Variants in RPA1 observed in about 807,000 individuals in gnomAD.
The protein encoded by RPA1 is replication protein A1, also known as replication protein A 70 kDa DNA-binding subunit.
Under a neutral mutation model 83.0 loss-of-function variants are expected in RPA1, and 49 were observed. The ratio of observed to expected loss-of-function variants is 0.59; its 90% CI spans 0.47 to 0.75. The LOEUF (loss-of-function observed/expected upper bound fraction) is 0.75. Ranked by LOEUF, RPA1 falls within the 30% of genes least tolerant of loss-of-function variation. RPA1 has a pLI of 0.00. For missense variants in RPA1, 693 were observed against 776.1 expected, an observed-to-expected ratio of 0.89 and a Z score of 1.27; for synonymous variants, 279 against 281.8, an observed-to-expected ratio of 0.99 and a Z score of 0.10.
chr17:1,897,104 G>A lies in RPA1; in HGVS notation c.1780G>A (p.Val594Met), dbSNP rs762158042. Residue 594 changes from valine to methionine, a missense_variant, in exon 17 of 17, where the codon GTG becomes ATG. By Grantham distance (21) the Val-to-Met change is conservative. Transcript: ENST00000254719. ...ESRIKATVMD[V>M]KPVDYREYGR... ...TCGAATTAAGGCCACTGTGATGGACGTGAAGCCCGTGGACTACAGAGAGTA... is the reference window on the plus strand; with the variant it reads ...TCGAATTAAGGCCACTGTGATGGACATGAAGCCCGTGGACTACAGAGAGTA... The A allele has an allele frequency of 5.1e-6, 8 of 1,573,416 alleles. No individual in the cohort carries two copies. The highest frequency in any genetic ancestry group is 1.4e-5 in the African/African-American group (1 of 73,996).
At chr17:1,833,274 T>A (rs1369011130) in intron 1 of RPA1, among the ~76,000 whole-genome samples, 3 of 152,194 alleles carry the variant, frequency 2.0e-5, no homozygotes, top group African/African-American at 7.2e-5. Flanking sequence ...CTGGGTTATT[T>A]TACTCTGCAT....
intron 4 of RPA1, among the ~76,000 whole-genome samples, chr17:1,850,318 G>A (rs1360897354): frequency 6.6e-6 from 1 of 151,556 alleles, no homozygotes; most frequent in African/African-American, 2.4e-5. Context: ...GATCACCTGA[G>A]GTGGGGAGTT....
chr17:1,875,124 C>T (rs1269129751), intron 6 of RPA1, among the ~76,000 whole-genome samples: 9 of 152,142 alleles, frequency 5.9e-5, no homozygotes, highest in African/African-American at 9.7e-5. Context: ...CCTTTGCACC[C>T]GACGAAACTC....
At chr17:1,866,118 T>C (rs1913165108) in intron 5 of RPA1, among the ~76,000 whole-genome samples, 2 of 151,944 alleles carry the variant, frequency 1.3e-5, no homozygotes, top group African/African-American at 4.8e-5. Flanking sequence ...GGTGTACACC[T>C]GCAGTCCTAG....
At chr17:1,871,874 C>G (rs1913387952) in intron 5 of RPA1, among the ~76,000 whole-genome samples, 2 of 152,172 alleles carry the variant, frequency 1.3e-5, no homozygotes, top group Non-Finnish European at 2.9e-5. Context: ...GAGACTCTTT[C>G]AACTTGCCTT....
chr17:1,891,151 A>G (rs1365698211), intron 14 of RPA1, among the ~76,000 whole-genome samples: 1 of 152,244 alleles, frequency 6.6e-6, no homozygotes, highest in Non-Finnish European at 1.5e-5. Context: ...TTACTTCAGC[A>G]AGTGGATTCT....
intron 16 of RPA1, among the ~76,000 whole-genome samples, chr17:1,895,348 A>ATT (rs139754576): frequency 0.018 from 2,642 of 148,950 alleles, 41 homozygotes; most frequent in Non-Finnish European, 0.03. Context: ...TATTTTTTTT[A>ATT]TTTTTATTTT....
In RPA1 at chr17:1,842,868, A is replaced by G. The variant is rs767081993; in HGVS notation, c.84+15A>G. On this transcript the variant is annotated intron_variant, in intron 2 of 16. Transcript: ENST00000254719. ...TCCAAGTCATCGTAAGTACCTGCGT[A>G]TGTTATGTTCCATGTCAACTTCTTT... is the stretch of plus-strand genomic sequence containing the variant. 1 of 1,612,946 alleles carries G rather than the reference A, an allele frequency of 6.2e-7. No homozygotes were observed. Among genetic ancestry groups the G allele is most frequent in the Non-Finnish European group, 8.5e-7 (1 of 1,178,944 alleles).
chr17:1,880,329 C>T (rs867530077), intron 11 of RPA1, among the ~76,000 whole-genome samples: 17 of 152,254 alleles, frequency 1.1e-4, no homozygotes, highest in South Asian at 4.1e-4. Context: ...TCAAGCTTTA[C>T]GCGGGGAAAT....
rs948306052 is a variant in RPA1 at position 1,897,264 on chromosome 17, T to C, written c.*89T>C. ...CTCCGTGTGACGATCCCATGTTAGC[T>C]ACACAGTGCAGAGGCTCTTGATGGT... is the stretch of plus-strand genomic sequence containing the variant. On this transcript the variant is annotated 3_prime_UTR_variant, in exon 17 of 17. Coordinates refer to ENST00000254719, the MANE Select transcript of RPA1 (RefSeq NM_002945.5). 31 of 994,086 alleles carry C rather than the reference T, an allele frequency of 3.1e-5. No individual in the cohort carries two copies. Among genetic ancestry groups the C allele is most frequent in the Non-Finnish European group, 4.2e-5 (28 of 663,184 alleles). 61.6% of individuals were successfully genotyped at this position (994,086 alleles called of 1,614,324 possible).
intron 1 of RPA1, among the ~76,000 whole-genome samples, chr17:1,833,993 C>G (rs987193070): frequency 6.6e-6 from 1 of 152,142 alleles, no homozygotes; most frequent in African/African-American, 2.4e-5. Context: ...ATCAGCCTGG[C>G]CAACATGGGG....
chr17:1,877,736 G>C (rs181564620), intron 8 of RPA1, among the ~76,000 whole-genome samples: 51 of 152,318 alleles, frequency 3.3e-4, no homozygotes, highest in Admixed American at 2.8e-3. Context: ...TGTGAGCGCC[G>C]TGGAGCTTTG....
chr17:1,830,251 G>GGGCGGTGGGGACCCGCCGGGC (rs1911487630), intron 1 of RPA1, 125 bp downstream of exon 1: 1 of 660,356 alleles, frequency 1.5e-6, no homozygotes, highest in Non-Finnish European at 2.1e-6. Context: ...AGATGGCGGG[G>GGGCGGTGGGGACCCGCCGGGC]GGCGGTGGGG....
intron 1 of RPA1, among the ~76,000 whole-genome samples, chr17:1,834,055 C>T (rs1003178245): frequency 2.8e-4 from 43 of 152,108 alleles, no homozygotes; most frequent in African/African-American, 1.0e-3. Context: ...TGGCGTGTGC[C>T]TGTAATCCCT....
At chr17:1,886,179 A>G (rs546181410) in intron 13 of RPA1, among the ~76,000 whole-genome samples, 26 of 152,342 alleles carry the variant, frequency 1.7e-4, no homozygotes, top group South Asian at 1.2e-3. Flanking sequence ...TGCATTGTCA[A>G]TGAGCAGTCA....
rs1470390002 is a variant in RPA1 at position 1,898,901 on chromosome 17, TG to T, written c.*1727del. 6.5e-6 allele frequency: 1 copy of T among 152,794 alleles called. No homozygotes were observed. The highest frequency in any genetic ancestry group is 1.9e-4 in the East Asian group (1 of 5,186). The allele number at this position is 152,794 out of a possible 1,614,324, so 9.5% of individuals were successfully genotyped here. A position where few individuals can be genotyped will look rare whatever the true frequency, so the allele number is the denominator to read the frequency against. On this transcript the variant is annotated 3_prime_UTR_variant, in exon 17 of 17. Transcript: ENST00000254719. ...TCAACCCTCTTCTGGATTGACAAAT[TG>T]TGGCTGGGAAGTGGCGATCTAGCTT...
chr17:1,841,932 C>T (rs1047619036), intron 1 of RPA1, among the ~76,000 whole-genome samples: 8 of 152,030 alleles, frequency 5.3e-5, no homozygotes, highest in African/African-American at 1.7e-4. Flanking sequence ...TTGAGTAAAC[C>T]TTGCCTTCCT....
At chr17:1,877,390 G>A in intron 8 of RPA1, 76 bp downstream of exon 8, 1 of 1,301,084 alleles carries the variant, frequency 7.7e-7, no homozygotes, top group South Asian at 1.2e-5. Context: ...GCGGAGGGCA[G>A]TGGGCTCGCT....
At chr17:1,841,411 C>G (rs537846879) in intron 1 of RPA1, among the ~76,000 whole-genome samples, 1 of 152,166 alleles carries the variant, frequency 6.6e-6, no homozygotes, top group Admixed American at 6.5e-5. Flanking sequence ...TCAAGCGATT[C>G]TCCTGTCTCA....
Sources: gnomAD v4.1 joint callset for allele counts (sites outside exome capture counted in the v4.1 genomes callset) on GRCh38, gnomAD v4.1.1 for gene constraint, MANE v1.5 for transcripts, NCBI Gene and HGNC (gene_info 2026-07-23, HGNC 2026-07-21) for gene names.